The following STARD13 variants were observed in gnomAD, a reference collection of about 807,000 sequenced individuals.
The protein encoded by STARD13 is StAR related lipid transfer domain containing 13.
A neutral mutation model predicts 106.4 loss-of-function variants in STARD13; 62 were observed. The observed-to-expected ratio is 0.58, with a 90% CI of 0.48 to 0.72. The LOEUF (loss-of-function observed/expected upper bound fraction) is 0.72. Ranked by LOEUF, STARD13 falls within the 30% of genes least tolerant of loss-of-function variation. The pLI, the probability that STARD13 is intolerant of heterozygous loss-of-function variation, is 0.00. For synonymous variants in STARD13, 565 were observed against 553.0 expected (o/e 1.02, Z -0.31); for missense variants, 1,387 against 1,424.0 (o/e 0.97, Z 0.42).
chr13:33,645,994 GGGACACAC>G, the STARD13 span, among the ~76,000 whole-genome samples: 25,428 of 151,944 alleles, frequency 0.17, 5,121 homozygotes, highest in African/African-American at 0.47. Context: ...TGAGTAATAA[GGGACACAC>G]GGACACAGGC....
chr13:33,262,662 A>ACACACACACAACACACACAC (rs5802678), intron 1 of STARD13, among the ~76,000 whole-genome samples: 15 of 114,900 alleles, frequency 1.3e-4, no homozygotes, highest in African/African-American at 4.9e-4. Context: ...ACACACACAC[A>ACACACACACAACACACACAC]ACACACACAC....
At chr13:33,454,445 A>G in the STARD13 span, among the ~76,000 whole-genome samples, 1 of 152,220 alleles carries the variant, frequency 6.6e-6, no homozygotes, top group Non-Finnish European at 1.5e-5. Context: ...CTACTCTTGG[A>G]AGACATGAAC....
the STARD13 span, among the ~76,000 whole-genome samples, chr13:33,437,403 T>C: frequency 1.3e-5 from 2 of 152,184 alleles, no homozygotes; most frequent in African/African-American, 2.4e-5. Flanking sequence ...CTGATGCCCC[T>C]GGCCGAATAA....
At chr13:33,572,811 A>G in the STARD13 span, among the ~76,000 whole-genome samples, 1 of 152,198 alleles carries the variant, frequency 6.6e-6, no homozygotes, top group Admixed American at 6.6e-5. Context: ...TAGGCATTAT[A>G]TTAGGTATCA....
the STARD13 span, among the ~76,000 whole-genome samples, chr13:33,648,292 C>A: frequency 2.3e-4 from 35 of 152,320 alleles, no homozygotes; most frequent in African/African-American, 7.9e-4. Flanking sequence ...TGCCGAGGCT[C>A]ACTAGCTGGA....
At chr13:33,616,695 A>C in the STARD13 span, among the ~76,000 whole-genome samples, 1 of 152,254 alleles carries the variant, frequency 6.6e-6, no homozygotes, top group Non-Finnish European at 1.5e-5. Flanking sequence ...CTGAAGATAC[A>C]CTTCAGAAAA....
chr13:33,202,160 C>A (rs1423006469), intron 1 of STARD13, among the ~76,000 whole-genome samples: 3 of 152,158 alleles, frequency 2.0e-5, no homozygotes, highest in Non-Finnish European at 4.4e-5. Context: ...TATGCCAAGG[C>A]TCTCTCAGAA....
Position 33,223,815 on chromosome 13 carries a change from GAAT to G in STARD13, c.170-56196_170-56194del, listed in dbSNP as rs780145171. ...TTCAGTTTGTACATTTATAAAATGAGAATAATAATAATAATATTTATGTCATAT... is the reference window on the plus strand; with the variant it reads ...TTCAGTTTGTACATTTATAAAATGAGAATAATAATAATATTTATGTCATAT... On this transcript the variant is annotated intron_variant, in intron 1 of 13. Coordinates refer to ENST00000336934, the MANE Select transcript of STARD13 (RefSeq NM_178006.4). 2.0e-4 allele frequency among the ~76,000 whole-genome samples: 30 copies of G among 152,064 alleles called. No individual in the cohort carries two copies. In the East Asian group the frequency reaches 5.4e-3, roughly 27 times the overall value.
the STARD13 span, among the ~76,000 whole-genome samples, chr13:33,642,840 TAAAA>T: frequency 2.0e-4 from 21 of 106,688 alleles, no homozygotes; most frequent in African/African-American, 5.8e-4. Context: ...AAACAAACAT[TAAAA>T]AAAAAAAAAA....
the STARD13 span, among the ~76,000 whole-genome samples, chr13:33,368,527 ACAG>A: frequency 5.3e-5 from 8 of 151,914 alleles, no homozygotes; most frequent in East Asian, 5.8e-4. Flanking sequence ...TTAGCAAGAA[ACAG>A]CAGCAGCAGC....
At chr13:33,229,619 C>A (rs940376537) in intron 1 of STARD13, among the ~76,000 whole-genome samples, 3 of 151,934 alleles carry the variant, frequency 2.0e-5, no homozygotes, top group African/African-American at 7.3e-5. Context: ...ACACACACCA[C>A]ACACACACAC....
intron 1 of STARD13, among the ~76,000 whole-genome samples, chr13:33,330,453 G>A (rs113851019): frequency 0.012 from 1,878 of 152,044 alleles, 15 homozygotes; most frequent in Non-Finnish European, 0.019. Context: ...TTGTATTTTT[G>A]GTATTGATTT....
chr13:33,115,238 A>G (rs1392224781), intron 8 of STARD13, among the ~76,000 whole-genome samples: 1 of 152,178 alleles, frequency 6.6e-6, no homozygotes, highest in Non-Finnish European at 1.5e-5. Flanking sequence ...CTGAAAACAG[A>G]ACTTCTCTGG....
the STARD13 span, among the ~76,000 whole-genome samples, chr13:33,627,968 TC>T: frequency 1.6e-4 from 24 of 149,978 alleles, 2 homozygotes; most frequent in East Asian, 1.2e-3. Flanking sequence ...TTTTTTTCTT[TC>T]TTTTTTTTTT....
the STARD13 span, among the ~76,000 whole-genome samples, chr13:33,400,864 T>C: frequency 1.2e-4 from 19 of 152,170 alleles, no homozygotes; most frequent in African/African-American, 4.6e-4. Flanking sequence ...ATGTAAATAA[T>C]ACTTCAATAA....
At chr13:33,259,690 T>C (rs1261442656) in intron 1 of STARD13, among the ~76,000 whole-genome samples, 1 of 152,108 alleles carries the variant, frequency 6.6e-6, no homozygotes, top group African/African-American at 2.4e-5. Flanking sequence ...CTTGCTTGAG[T>C]TTAAAAATCA....
chr13:33,481,664 G>T, the STARD13 span, among the ~76,000 whole-genome samples: 1 of 152,110 alleles, frequency 6.6e-6, no homozygotes, highest in South Asian at 2.1e-4. Context: ...AAAGAGAGAA[G>T]TAGTCAAATC....
the STARD13 span, among the ~76,000 whole-genome samples, chr13:33,471,760 C>T: frequency 9.9e-5 from 15 of 151,030 alleles, no homozygotes; most frequent in Admixed American, 8.6e-4. Flanking sequence ...TCCTGAGAAA[C>T]GTTTAAGGAT....
chr13:33,523,067 T>C, the STARD13 span, among the ~76,000 whole-genome samples: 1 of 152,154 alleles, frequency 6.6e-6, no homozygotes, highest in African/African-American at 2.4e-5. Flanking sequence ...TCTCTGCTTT[T>C]TTCCACCTTG....
Sources: gnomAD v4.1 joint callset for allele counts (sites outside exome capture counted in the v4.1 genomes callset) on GRCh38, gnomAD v4.1.1 for gene constraint, MANE v1.5 for transcripts, NCBI Gene and HGNC (gene_info 2026-07-23, HGNC 2026-07-21) for gene names.